The following DENND5B variants were observed in gnomAD, a reference collection of about 807,000 sequenced individuals.
DENND5B encodes the protein DENN domain-containing protein 5B.
In DENND5B, 34 loss-of-function variants were observed where a neutral mutation model predicts 140.6. That is an observed-to-expected ratio of 0.24 (90% CI 0.18 to 0.32). The LOEUF (loss-of-function observed/expected upper bound fraction) is 0.32. DENND5B is among the 10% of genes least tolerant of loss of function. The probability of loss-of-function intolerance (pLI) is 1.00; values close to 1 mark genes in which losing one functional copy is unlikely to be tolerated. For missense variants in DENND5B, 1,142 were observed against 1,560.2 expected (o/e 0.73, Z 4.52); for synonymous variants, 551 against 562.1 (o/e 0.98, Z 0.28).
chr12:31,392,771 T>G, intron 17 of DENND5B, 75 bp from the exon 18 acceptor site: 1 of 1,366,784 alleles, frequency 7.3e-7, no homozygotes, highest in African/African-American at 1.5e-5. Context: ...ATCAACTGTG[T>G]CCACCTAGGC....
intron 1 of DENND5B, among the ~76,000 whole-genome samples, chr12:31,533,262 A>T (rs1412063928): frequency 6.6e-6 from 1 of 152,076 alleles, no homozygotes; most frequent in East Asian, 1.9e-4. Context: ...AAAAAAAAAC[A>T]ATTTAAAAAG....
At chr12:31,552,908 T>G (rs1173672070) in intron 1 of DENND5B, among the ~76,000 whole-genome samples, 1 of 152,184 alleles carries the variant, frequency 6.6e-6, no homozygotes, top group Non-Finnish European at 1.5e-5. Context: ...GGATCGGTGG[T>G]GATATCCCCT....
chr12:31,530,993 G>A (rs963638794), intron 1 of DENND5B, among the ~76,000 whole-genome samples: 3 of 152,162 alleles, frequency 2.0e-5, no homozygotes, highest in African/African-American at 7.2e-5. Context: ...ACACAAAAGG[G>A]AAGCAGAAAC....
At position 31,452,348 on chromosome 12, in the gene DENND5B, A is replaced by T. The variant is rs1468478676; in HGVS notation, c.1221T>A (p.Pro407=). ...TCTCACTGCAATGTAGGCTGCCCTCAGGAGGGATCCCAAATTGAACAAGAA... is the reference window on the plus strand; with the variant it reads ...TCTCACTGCAATGTAGGCTGCCCTCTGGAGGGATCCCAAATTGAACAAGAA... ...SEVLVQFGIP[P]EGSLHCSEST... is the part of the protein sequence containing the mutation. Residue 407 remains proline, a synonymous_variant, in exon 5 of 21, where the codon CCT becomes CCA. Coordinates refer to ENST00000389082, the MANE Select transcript of DENND5B (RefSeq NM_144973.4). The T allele has an allele frequency of 6.2e-7, 1 of 1,614,004 alleles. No homozygotes were observed. The highest frequency in any genetic ancestry group is 8.5e-7 in the Non-Finnish European group (1 of 1,179,884).
At chr12:31,504,641 C>T (rs1947125117) in intron 1 of DENND5B, among the ~76,000 whole-genome samples, 2 of 152,166 alleles carry the variant, frequency 1.3e-5, no homozygotes, top group Non-Finnish European at 2.9e-5. Flanking sequence ...AGTAAGTTAC[C>T]TCCTGCACTA....
At chr12:31,460,159 A>G (rs377277236) in intron 4 of DENND5B, 35 bp downstream of exon 4, 214 of 1,579,704 alleles carry the variant, frequency 1.4e-4, no homozygotes, top group Non-Finnish European at 3.2e-5. Context: ...TAAATCAGCA[A>G]ACAGCAAATG....
At chr12:31,469,615 TA>T (rs1348799280) in intron 3 of DENND5B, among the ~76,000 whole-genome samples, 1 of 152,168 alleles carries the variant, frequency 6.6e-6, no homozygotes, top group Non-Finnish European at 1.5e-5. Context: ...CCTGATTTTG[TA>T]GTCATCCAAG....
At chr12:31,445,188 G>A (rs1944223514) in intron 6 of DENND5B, among the ~76,000 whole-genome samples, 1 of 152,170 alleles carries the variant, frequency 6.6e-6, no homozygotes, top group South Asian at 2.1e-4. Context: ...TTAAGGACCA[G>A]GCATAATTGT....
rs79216887 is a variant in DENND5B, at chr12:31,411,786, G to A, written c.2681+1650C>T. Reference sequence around the variant, plus strand: ...CATCTGAAAATGCTCCAGGGGGTATGTAATCCAAGTGTGATATATACAAAT... The same window carrying A: ...CATCTGAAAATGCTCCAGGGGGTATATAATCCAAGTGTGATATATACAAAT... On this transcript the variant is annotated intron_variant, in intron 13 of 20. Transcript: ENST00000389082. 9.3e-3 allele frequency among the ~76,000 whole-genome samples: 1,410 copies of A among 152,298 alleles called. 22 individuals are homozygous for A. Among genetic ancestry groups the A allele is most frequent in the African/African-American group, 0.033 (1,365 of 41,566 alleles).
chr12:31,382,512 G>A lies in DENND5B; in HGVS notation c.*5091C>T, dbSNP rs1940675710. On this transcript the variant is annotated 3_prime_UTR_variant, in exon 21 of 21. Transcript: ENST00000389082. ...ATACATGGTTCAAGTGTAACACAGA[G>A]CATTCTAAATGTTTCACACCCTCAT... 1 of 152,024 alleles carries A rather than the reference G, an allele frequency of 6.6e-6. No individual in the cohort carries two copies. The highest frequency in any genetic ancestry group is 6.6e-5 in the Admixed American group (1 of 15,252). The allele number at this position is 152,024 out of a possible 1,614,324, so 9.4% of individuals were successfully genotyped here.
chr12:31,399,173 T>G (rs1420561107), intron 16 of DENND5B, among the ~76,000 whole-genome samples: 41 of 146,812 alleles, frequency 2.8e-4, no homozygotes, highest in African/African-American at 9.8e-4. Context: ...AAAAGTTTTT[T>G]GGGGGGCAAT....
chr12:31,476,545 T>C (rs1287784276), intron 3 of DENND5B, among the ~76,000 whole-genome samples: 2 of 151,672 alleles, frequency 1.3e-5, no homozygotes, highest in Non-Finnish European at 2.9e-5. Flanking sequence ...ACAGGAGGAT[T>C]ACCTAACTCG....
At chr12:31,474,204 T>C (rs1945687389) in intron 3 of DENND5B, among the ~76,000 whole-genome samples, 1 of 152,200 alleles carries the variant, frequency 6.6e-6, no homozygotes, top group Non-Finnish European at 1.5e-5. Context: ...GTGGTGTGGG[T>C]AGTGGTTTAT....
intron 1 of DENND5B, among the ~76,000 whole-genome samples, chr12:31,538,958 GTTTTT>G (rs75708833): frequency 7.2e-6 from 1 of 138,196 alleles, no homozygotes; most frequent in African/African-American, 2.7e-5. Context: ...GAAACAAAAG[GTTTTT>G]TTTTTTTTGA....
intron 3 of DENND5B, among the ~76,000 whole-genome samples, chr12:31,470,175 T>A (rs1286509276): frequency 1.5e-5 from 2 of 135,518 alleles, no homozygotes; most frequent in Non-Finnish European, 3.0e-5. Context: ...AGTGCAATGG[T>A]GCGATCTCGG....
chr12:31,493,693 T>C (rs1946621058), intron 2 of DENND5B, among the ~76,000 whole-genome samples: 1 of 151,876 alleles, frequency 6.6e-6, no homozygotes, highest in African/African-American at 2.4e-5. Flanking sequence ...TAGCTGGGCA[T>C]AGTGGTGTGC....
At chr12:31,421,049 T>G (rs1942996294) in intron 11 of DENND5B, among the ~76,000 whole-genome samples, 1 of 152,156 alleles carries the variant, frequency 6.6e-6, no homozygotes, top group Admixed American at 6.5e-5. Flanking sequence ...CATCAAAATT[T>G]TTTTTTGTTT....
At chr12:31,420,190 G>C (rs1349361170) in intron 11 of DENND5B, among the ~76,000 whole-genome samples, 1 of 151,934 alleles carries the variant, frequency 6.6e-6, no homozygotes, top group Non-Finnish European at 1.5e-5. Flanking sequence ...GCAGTGGTGG[G>C]ATCACAGCAC....
chr12:31,517,516 A>G (rs1407616995), intron 1 of DENND5B, among the ~76,000 whole-genome samples: 1 of 152,208 alleles, frequency 6.6e-6, no homozygotes, highest in Non-Finnish European at 1.5e-5. Context: ...AGAAATATGA[A>G]CTGATAAAAG....
Sources: gnomAD v4.1 joint callset for allele counts (sites outside exome capture counted in the v4.1 genomes callset) on GRCh38, gnomAD v4.1.1 for gene constraint, MANE v1.5 for transcripts, NCBI Gene and HGNC (gene_info 2026-07-23, HGNC 2026-07-21) for gene names.